The following SCP2 variants were observed in gnomAD, a reference collection of about 807,000 sequenced individuals.
The protein encoded by SCP2 is sterol carrier protein 2.
In SCP2, 48 loss-of-function variants were observed where a neutral mutation model predicts 71.4. That is an observed-to-expected ratio of 0.67 (90% CI 0.53 to 0.86). The LOEUF is 0.86. SCP2 is among the 40% of genes least tolerant of loss of function. The pLI is 0.00. For missense variants in SCP2, 560 were observed against 655.6 expected, an observed-to-expected ratio of 0.85 and a Z score of 1.59; for synonymous variants, 220 against 218.1, an observed-to-expected ratio of 1.01 and a Z score of -0.08.
rs143977440 is a variant in SCP2 at position 53,017,435 on chromosome 1, T to A, written c.1235+2392T>A. On this transcript the variant is annotated intron_variant, in intron 12 of 15. Transcript: ENST00000371514. ...ATGTAGTACTCCTTTTTGCAGAGTG[T>A]CATGTGAATGGAATCAAAAAGCCTT... Among the ~76,000 whole-genome samples, 781 of 152,340 alleles carry A rather than the reference T, an allele frequency of 5.1e-3. 1 individual carries two copies. The highest frequency in any genetic ancestry group is 8.6e-3 in the Non-Finnish European group (584 of 68,026).
intron 11 of SCP2, among the ~76,000 whole-genome samples, chr1:53,011,940 C>G (rs1259471236): frequency 6.6e-6 from 1 of 152,080 alleles, no homozygotes; most frequent in Non-Finnish European, 1.5e-5. Context: ...GCCTCAGAAG[C>G]AAAAATTTTT....
chr1:52,961,341 C>T (rs915248024), intron 5 of SCP2, among the ~76,000 whole-genome samples, 162 bp from the exon 6 acceptor site: 4 of 151,942 alleles, frequency 2.6e-5, no homozygotes, highest in Non-Finnish European at 4.4e-5. Context: ...TTCTTCTTCC[C>T]ATGTTTCCCT....
chr1:52,991,061 T>C (rs555022190), intron 11 of SCP2, among the ~76,000 whole-genome samples: 1 of 152,320 alleles, frequency 6.6e-6, no homozygotes, highest in South Asian at 2.1e-4. Context: ...GTGATATATA[T>C]GTAAGGGATG....
At chr1:53,030,786 G>T (rs773675976) in intron 13 of SCP2, among the ~76,000 whole-genome samples, 23 of 151,886 alleles carry the variant, frequency 1.5e-4, no homozygotes, top group Non-Finnish European at 3.1e-4. Context: ...TGTAGTCCCA[G>T]CTACTAGAGA....
chr1:52,959,317 T>C (rs547870861), intron 5 of SCP2, among the ~76,000 whole-genome samples: 13 of 151,958 alleles, frequency 8.6e-5, no homozygotes, highest in Admixed American at 5.3e-4. Context: ...TGCCTCAGCC[T>C]CCCGAGTAGC....
intron 10 of SCP2, among the ~76,000 whole-genome samples, chr1:52,987,433 A>C (rs1313542645): frequency 6.6e-6 from 1 of 152,186 alleles, no homozygotes; most frequent in Admixed American, 6.5e-5. Flanking sequence ...AATTTTATAC[A>C]ATACATCCAT....
At position 52,994,174 on chromosome 1, in the gene SCP2, C is replaced by T. The variant is rs137967000; in HGVS notation, c.1081+6038C>T. Reference sequence around the variant, plus strand: ...TCATACTTCAGTGTTGATTTTGTTGCTAATGGGACATGGAGATGTCTGGAT... The same window carrying T: ...TCATACTTCAGTGTTGATTTTGTTGTTAATGGGACATGGAGATGTCTGGAT... On this transcript the variant is annotated intron_variant, in intron 11 of 15. Coordinates refer to ENST00000371514, the MANE Select transcript of SCP2 (RefSeq NM_002979.5). The T allele has an allele frequency of 5.4e-5, 56 of 1,038,070 alleles. No individual in the cohort carries two copies. In the African/African-American group the frequency reaches 8.9e-4, roughly 17 times the overall value. 64.3% of individuals were successfully genotyped at this position (1,038,070 alleles called of 1,614,324 possible). A position where few individuals can be genotyped will look rare whatever the true frequency, so the allele number is the denominator to read the frequency against.
chr1:53,014,471 G>T (rs183867731), intron 11 of SCP2, among the ~76,000 whole-genome samples: 1 of 151,912 alleles, frequency 6.6e-6, no homozygotes, highest in East Asian at 1.9e-4. Flanking sequence ...AATAGGTCTG[G>T]AAAACAACTC....
chr1:52,985,425 C>T (rs1171140537), intron 10 of SCP2, among the ~76,000 whole-genome samples: 2 of 152,110 alleles, frequency 1.3e-5, no homozygotes, highest in Non-Finnish European at 2.9e-5. Flanking sequence ...TGGACTCTAC[C>T]TTCAAAATAA....
chr1:52,969,781 T>A (rs925409155), intron 6 of SCP2, among the ~76,000 whole-genome samples: 3 of 152,022 alleles, frequency 2.0e-5, no homozygotes, highest in Non-Finnish European at 4.4e-5. Context: ...AGATTGCACC[T>A]CTGCACTCCA....
chr1:53,043,780 C>A (rs376382352), intron 14 of SCP2, among the ~76,000 whole-genome samples: 12 of 152,246 alleles, frequency 7.9e-5, no homozygotes, highest in African/African-American at 2.9e-4. Flanking sequence ...AGGACCAGGT[C>A]CAACTATCTC....
intron 1 of SCP2, among the ~76,000 whole-genome samples, chr1:52,938,701 T>C (rs368709099): frequency 1.4e-4 from 22 of 152,300 alleles, no homozygotes; most frequent in African/African-American, 5.1e-4. Flanking sequence ...TCCCATGTGT[T>C]TCCCCTATCC....
intron 6 of SCP2, chr1:52,963,600 T>C (rs1456482303): frequency 6.6e-6 from 1 of 152,238 alleles, no homozygotes; most frequent in Non-Finnish European, 1.5e-5. Flanking sequence ...TTCCATTCTA[T>C]TTCTGTCTCA....
chr1:53,019,026 C>T lies in SCP2; in HGVS notation c.1235+3983C>T, dbSNP rs144366202. On this transcript the variant is annotated intron_variant, in intron 12 of 15. Coordinates refer to ENST00000371514, the MANE Select transcript of SCP2 (RefSeq NM_002979.5). Reference sequence around the variant, plus strand: ...TAATAGTAGAATGCTTCTCAGTTTGCAATTGCCTAATGTTTCCCCAAATTA... The same window carrying T: ...TAATAGTAGAATGCTTCTCAGTTTGTAATTGCCTAATGTTTCCCCAAATTA... 5.3e-3 allele frequency among the ~76,000 whole-genome samples: 810 copies of T among 152,198 alleles called. 4 individuals are homozygous for T. Among genetic ancestry groups the T allele is most frequent in the African/African-American group, 0.011 (454 of 41,518 alleles).
chr1:52,947,073 A>C (rs899184706), intron 2 of SCP2, among the ~76,000 whole-genome samples: 11 of 150,282 alleles, frequency 7.3e-5, no homozygotes, highest in African/African-American at 2.4e-4. Context: ...AAAAAAAAAA[A>C]AAAAAACGGA....
intron 1 of SCP2, among the ~76,000 whole-genome samples, chr1:52,927,956 C>T (rs1294184012): frequency 6.6e-6 from 1 of 152,198 alleles, no homozygotes; most frequent in South Asian, 2.1e-4. Flanking sequence ...ACCCGGACGC[C>T]GCAGGCTCCC....
At chr1:52,982,029 T>C (rs1480841359) in intron 10 of SCP2, among the ~76,000 whole-genome samples, 6 of 152,076 alleles carry the variant, frequency 3.9e-5, no homozygotes, top group African/African-American at 1.4e-4. Flanking sequence ...TTATCGATTG[T>C]TTTTTTCACC....
chr1:53,036,881 A>G (rs2150258615), intron 13 of SCP2, among the ~76,000 whole-genome samples: 1 of 152,186 alleles, frequency 6.6e-6, no homozygotes, highest in East Asian at 1.9e-4. Flanking sequence ...AGTAGCTCAC[A>G]CCTGTAATCC....
rs1451728394 is a variant in SCP2 at position 53,011,787 on chromosome 1, C to T, written c.1082-3103C>T. Among the ~76,000 whole-genome samples, 3 of 152,186 alleles carry T rather than the reference C, an allele frequency of 2.0e-5. No individual in the cohort carries two copies. The East Asian group carries it at 5.8e-4, about 29-fold the overall frequency. ...GAATCGATTTGCTATTTGGGGGAAG[C>T]CCTCACCTTTCCGACATCTAGTCAC... On this transcript the variant is annotated intron_variant, in intron 11 of 15. Transcript: ENST00000371514.
Sources: gnomAD v4.1 joint callset for allele counts (sites outside exome capture counted in the v4.1 genomes callset) on GRCh38, gnomAD v4.1.1 for gene constraint, MANE v1.5 for transcripts, NCBI Gene and HGNC (gene_info 2026-07-23, HGNC 2026-07-21) for gene names.